The following CDHR2 variants were observed in gnomAD, a reference collection of about 807,000 sequenced individuals.
CDHR2 encodes cadherin-related family member 2.
A neutral mutation model predicts 138.6 loss-of-function variants in CDHR2; 104 were observed. The ratio of observed to expected loss-of-function variants is 0.75; its 90% CI spans 0.64 to 0.88. The LOEUF (loss-of-function observed/expected upper bound fraction) is 0.88, where lower values mean the gene tolerates loss of function less well. CDHR2 is among the 40% of genes least tolerant of loss of function. CDHR2 has a pLI of 0.00. For synonymous variants in CDHR2, 755 were observed against 742.8 expected, an observed-to-expected ratio of 1.02 and a Z score of -0.27; for missense variants, 1,624 against 1,727.6, an observed-to-expected ratio of 0.94 and a Z score of 1.06.
intron 5 of CDHR2, among the ~76,000 whole-genome samples, chr5:176,569,946 C>T (rs898593403): frequency 2.7e-5 from 4 of 149,252 alleles, no homozygotes; most frequent in African/African-American, 7.5e-5. Context: ...AGTGATAGCA[C>T]GAGACTCCGT....
intron 1 of CDHR2, among the ~76,000 whole-genome samples, chr5:176,558,340 C>G (rs1757888972): frequency 6.6e-6 from 1 of 151,202 alleles, no homozygotes; most frequent in South Asian, 2.1e-4. Context: ...CTCAGCCTCC[C>G]TAGTAGCTGG....
chr5:176,558,810 G>A (rs996010579), intron 1 of CDHR2, among the ~76,000 whole-genome samples: 7 of 152,182 alleles, frequency 4.6e-5, no homozygotes, highest in Non-Finnish European at 7.4e-5. Flanking sequence ...GTGAGCCACC[G>A]CGCCCGGTTG....
chr5:176,552,958 G>A (rs940797947), intron 1 of CDHR2, among the ~76,000 whole-genome samples: 2 of 152,168 alleles, frequency 1.3e-5, no homozygotes, highest in African/African-American at 2.4e-5. Context: ...GAGACTGTGC[G>A]TGCATCACAC....
intron 25 of CDHR2, 27 bp downstream of exon 25, chr5:176,590,173 G>A: frequency 2.5e-6 from 4 of 1,612,276 alleles, no homozygotes; most frequent in Non-Finnish European, 3.4e-6. Context: ...CTGGGGGTGG[G>A]GTTGAGGGGG....
intron 7 of CDHR2, among the ~76,000 whole-genome samples, chr5:176,574,495 A>G (rs1166535823): frequency 6.6e-6 from 1 of 152,172 alleles, no homozygotes; most frequent in African/African-American, 2.4e-5. Context: ...CCATTTACCG[A>G]GCACCAACCA....
chr5:176,594,193 C>G (rs1034439793), intron 31 of CDHR2, among the ~76,000 whole-genome samples: 1 of 152,138 alleles, frequency 6.6e-6, no homozygotes, highest in Non-Finnish European at 1.5e-5. Flanking sequence ...GAAAATTGCT[C>G]AGATTATGTC....
chr5:176,588,473 G>GAA (rs1561880829), intron 21 of CDHR2, among the ~76,000 whole-genome samples: 4 of 74,790 alleles, frequency 5.3e-5, no homozygotes, highest in Non-Finnish European at 1.1e-4. Context: ...GAGTGTATGT[G>GAA]AGTGTGAGAG....
At chr5:176,557,457 T>C (rs917879668) in intron 1 of CDHR2, among the ~76,000 whole-genome samples, 8 of 152,106 alleles carry the variant, frequency 5.3e-5, no homozygotes, top group African/African-American at 1.9e-4. Flanking sequence ...CCATCTGCCT[T>C]GGCCTCCCAA....
At chr5:176,552,856 C>G (rs1757739434) in intron 1 of CDHR2, among the ~76,000 whole-genome samples, 1 of 152,236 alleles carries the variant, frequency 6.6e-6, no homozygotes, top group Non-Finnish European at 1.5e-5. Flanking sequence ...GGCAGGAACC[C>G]TGGCCTCCTG....
chr5:176,591,287 C>T lies in CDHR2; in HGVS notation c.3617C>T (p.Pro1206Leu), dbSNP rs1008565357. The change falls in exon 29 of 32, where the codon CCT becomes CTT. Residue 1206 changes from proline to leucine, a missense_variant. Pro to Leu is a moderately conservative substitution (Grantham distance 98, BLOSUM62 -3). Around this residue, in one of 3 missense-constraint regions of CDHR2, gnomAD observed 556 missense variants for 565.7 expected, o/e 0.98. Transcript: ENST00000261944. ...KTAAGVMPSAPAIPGTNMYNT... is the reference protein window; with the variant it reads ...KTAAGVMPSALAIPGTNMYNT... ...GCAGCAGGGGTGATGCCCTCAGCCCCTGCCATCCCAGGGACTAACATGTAC... is the reference window on the plus strand; with the variant it reads ...GCAGCAGGGGTGATGCCCTCAGCCCTTGCCATCCCAGGGACTAACATGTAC... 3 of 1,613,938 alleles carry T rather than the reference C, an allele frequency of 1.9e-6. No individual in the cohort carries two copies. Among genetic ancestry groups the T allele is most frequent in the Non-Finnish European group, 2.5e-6 (3 of 1,179,992 alleles).
At position 176,595,652 on chromosome 5, in the gene CDHR2, C is replaced by A; in HGVS notation, c.3913C>A (p.Leu1305Met). The change falls in exon 32 of 32, where the codon CTG becomes ATG. Residue 1305 changes from leucine (L) to methionine (M), a missense_variant. Physicochemically the swap from Leu to Met is conservative, Grantham distance 15 (BLOSUM62 2). This residue lies in a region of CDHR2 where 556 missense variants were observed against 565.7 expected (regional missense o/e 0.98). Transcript: ENST00000261944. ...LEGPSYTNAG[L>M]DTTDL is the part of the protein sequence containing the mutation. ...GGGGCCATCCTACACCAACGCTGGC[C>A]TGGACACCACGGACCTGTGACAGGG... 6.2e-7 allele frequency: 1 copy of A among 1,604,316 alleles called. No homozygotes were observed. The highest frequency in any genetic ancestry group is 1.1e-5 in the South Asian group (1 of 89,994).
chr5:176,590,147 G>A lies in CDHR2; in HGVS notation c.3275+1G>A, dbSNP rs1758806859. 6.2e-7 allele frequency: 1 copy of A among 1,613,724 alleles called. No homozygotes were observed. Among genetic ancestry groups the A allele is most frequent in the Non-Finnish European group, 8.5e-7 (1 of 1,179,866 alleles). On this transcript the variant is annotated splice_donor_variant, in intron 25 of 31. Transcript: ENST00000261944. LOFTEE classifies it high-confidence loss of function. ...TTCAGGACATAGATTCTGCAGCTCG[G>A]TGAGTGCCCAGAGGCCTGGGGGTGG...
At position 176,575,949 on chromosome 5, in the gene CDHR2, C is replaced by A; in HGVS notation, c.961-3C>A. On this transcript the variant is annotated splice_polypyrimidine_tract_variant and splice_region_variant and intron_variant, in intron 11 of 31. Coordinates refer to ENST00000261944, the MANE Select transcript of CDHR2 (RefSeq NM_017675.6). ...GCCCTCTGCCCTCTGCTCTGTGCCT[C>A]AGGCCACCGAGACACACCTCAACAT... The A allele has an allele frequency of 1.9e-6, 3 of 1,606,586 alleles. No homozygotes were observed. Among genetic ancestry groups the A allele is most frequent in the South Asian group, 1.1e-5 (1 of 90,340 alleles).
chr5:176,594,217 GGGT>G (rs1193480425), intron 31 of CDHR2, among the ~76,000 whole-genome samples: 22 of 152,316 alleles, frequency 1.4e-4, no homozygotes, highest in African/African-American at 5.1e-4. Flanking sequence ...GGAGGGCAGG[GGGT>G]TGCTATATTT....
At chr5:176,586,518 C>T (rs1758671244) in intron 20 of CDHR2, 1 of 507,176 alleles carries the variant, frequency 2.0e-6, no homozygotes, top group Non-Finnish European at 3.5e-6. Flanking sequence ...TTCATTCCAG[C>T]TCTGTCCGAC....
chr5:176,561,641 CTT>C (rs397772792), intron 1 of CDHR2, among the ~76,000 whole-genome samples: 6 of 130,332 alleles, frequency 4.6e-5, no homozygotes, highest in Non-Finnish European at 3.2e-5. Context: ...GAGTTGGGTT[CTT>C]TTTTTTTTTT....
intron 16 of CDHR2, among the ~76,000 whole-genome samples, chr5:176,579,845 C>G (rs1439852724): frequency 1.3e-5 from 2 of 152,112 alleles, no homozygotes; most frequent in African/African-American, 4.8e-5. Flanking sequence ...AGAGATGAGT[C>G]CACCACCATT....
Position 176,589,578 on chromosome 5 carries a change from G to C in CDHR2, c.3168G>C (p.Pro1056=). The change falls in exon 24 of 32, where the codon CCG becomes CCC. Residue 1056 remains proline, a synonymous_variant. Transcript: ENST00000261944. ...GCTCGCGGCTGCAGTTCTCCACACC[G>C]AAGGAGGAGGTGGGCGCCAACAGAC... ...SYRSRLQFST[P]KEEVGANRQA... The C allele has an allele frequency of 6.2e-7, 1 of 1,614,094 alleles. No individual in the cohort carries two copies. The highest frequency in any genetic ancestry group is 8.5e-7 in the Non-Finnish European group (1 of 1,180,024).
chr5:176,574,294 C>A, intron 7 of CDHR2, 122 bp downstream of exon 7: 1 of 724,380 alleles, frequency 1.4e-6, no homozygotes, highest in Non-Finnish European at 2.3e-6. Flanking sequence ...CAGCCCTGGT[C>A]CCCAAACCGT....
Sources: gnomAD v4.1 joint callset for allele counts (sites outside exome capture counted in the v4.1 genomes callset) on GRCh38, gnomAD v4.1.1 for gene constraint, gnomAD v4.1.1 regional missense constraint, MANE v1.5 for transcripts, NCBI Gene and HGNC (gene_info 2026-07-23, HGNC 2026-07-21) for gene names.